The following MTUS1 variants were observed in gnomAD, a reference collection of about 807,000 sequenced individuals.
MTUS1 encodes microtubule-associated tumor suppressor 1.
In MTUS1, 109 loss-of-function variants were observed where a neutral mutation model predicts 120.8. The ratio of observed to expected loss-of-function variants is 0.90; its 90% CI spans 0.77 to 1.06. The LOEUF (loss-of-function observed/expected upper bound fraction) is 1.06. Among genes scored for constraint, MTUS1 ranks in the 50% least tolerant of loss-of-function variants. The pLI is 0.00. For missense variants in MTUS1, 2,210 were observed against 1,486.3 expected, an observed-to-expected ratio of 1.49 and a Z score of -8.01; for synonymous variants, 737 against 550.5, an observed-to-expected ratio of 1.34 and a Z score of -4.74.
intron 3 of MTUS1, among the ~76,000 whole-genome samples, chr8:17,736,358 C>G (rs956549521): frequency 6.6e-6 from 1 of 152,162 alleles, no homozygotes. Flanking sequence ...CCACCACACA[C>G]AGTGCGTGGT....
At chr8:17,690,276 C>T (rs778166781) in intron 6 of MTUS1, among the ~76,000 whole-genome samples, 10 of 151,932 alleles carry the variant, frequency 6.6e-5, no homozygotes, top group Non-Finnish European at 4.4e-5. Flanking sequence ...GTAGAACATA[C>T]GAAAAAATGC....
chr8:17,729,712 G>A (rs375891705), intron 3 of MTUS1, among the ~76,000 whole-genome samples: 1 of 151,964 alleles, frequency 6.6e-6, no homozygotes, highest in Admixed American at 6.6e-5. Context: ...CGCAGGAATT[G>A]AATTTTTAAA....
chr8:17,783,162 G>A (rs1211882730), intron 1 of MTUS1, among the ~76,000 whole-genome samples: 2 of 152,190 alleles, frequency 1.3e-5, no homozygotes, highest in Non-Finnish European at 2.9e-5. Context: ...AGGCAACCTG[G>A]CTTGACTCTG....
chr8:17,688,366 T>C (rs1228245440), intron 6 of MTUS1, among the ~76,000 whole-genome samples: 1 of 152,230 alleles, frequency 6.6e-6, no homozygotes, highest in Non-Finnish European at 1.5e-5. Context: ...TGCTGACTCA[T>C]GTTTCCCTAG....
chr8:17,670,264 C>A (rs1811745593), intron 8 of MTUS1, among the ~76,000 whole-genome samples: 1 of 152,146 alleles, frequency 6.6e-6, no homozygotes, highest in Non-Finnish European at 1.5e-5. Flanking sequence ...CAGCCCCTCA[C>A]TGGGAAGCAT....
chr8:17,665,767 C>A (rs144870979), intron 8 of MTUS1, among the ~76,000 whole-genome samples: 1 of 152,294 alleles, frequency 6.6e-6, no homozygotes, highest in African/African-American at 2.4e-5. Flanking sequence ...TTCACACGTA[C>A]CATGGATGCC....
chr8:17,770,145 G>C (rs2049917874), intron 1 of MTUS1, among the ~76,000 whole-genome samples: 1 of 152,024 alleles, frequency 6.6e-6, no homozygotes, highest in South Asian at 2.1e-4. Flanking sequence ...TTTTGTACTT[G>C]ATATTTTAAC....
intron 11 of MTUS1, 45 bp downstream of exon 11, chr8:17,653,380 A>AT (rs1563568159): frequency 6.5e-7 from 1 of 1,542,422 alleles, no homozygotes. Flanking sequence ...ATCAAAAATG[A>AT]TATTTTTTTT....
At chr8:17,657,347 T>C (rs1411123802) in intron 8 of MTUS1, among the ~76,000 whole-genome samples, 42 of 151,528 alleles carry the variant, frequency 2.8e-4, no homozygotes, top group Non-Finnish European at 5.2e-4. Flanking sequence ...GGCGGGCGGA[T>C]CACGAGGTCA....
At chr8:17,795,286 T>A (rs1328658393) in intron 1 of MTUS1, among the ~76,000 whole-genome samples, 1 of 152,226 alleles carries the variant, frequency 6.6e-6, no homozygotes, top group Non-Finnish European at 1.5e-5. Flanking sequence ...CCCTTTTCAA[T>A]GTCATTTTAG....
At chr8:17,714,968 C>G (rs190733432) in intron 5 of MTUS1, among the ~76,000 whole-genome samples, 1 of 132,274 alleles carries the variant, frequency 7.6e-6, no homozygotes, top group African/African-American at 2.9e-5. Flanking sequence ...TGCAGTGGCG[C>G]GATCTCGGCT....
chr8:17,679,615 C>T (rs1563188700), intron 7 of MTUS1, among the ~76,000 whole-genome samples: 1 of 151,984 alleles, frequency 6.6e-6, no homozygotes, highest in South Asian at 2.1e-4. Context: ...GATTCGTATG[C>T]CTCAGTCTCT....
chr8:17,661,561 G>A (rs78577948), intron 8 of MTUS1, among the ~76,000 whole-genome samples: 1,844 of 152,046 alleles, frequency 0.012, 17 homozygotes, highest in Non-Finnish European at 0.02. Context: ...TGTAATTGTG[G>A]CACATCAGCC....
At chr8:17,771,660 C>T (rs1034507031) in intron 1 of MTUS1, among the ~76,000 whole-genome samples, 1 of 152,180 alleles carries the variant, frequency 6.6e-6, no homozygotes, top group Non-Finnish European at 1.5e-5. Context: ...TGCAAGCAGG[C>T]AGTCTACGCA....
At chr8:17,738,966 C>A (rs1355486776) in intron 3 of MTUS1, among the ~76,000 whole-genome samples, 1 of 151,062 alleles carries the variant, frequency 6.6e-6, no homozygotes, top group Admixed American at 6.6e-5. Context: ...AAGTGAGACC[C>A]CCCCATCTCT....
intron 1 of MTUS1, among the ~76,000 whole-genome samples, chr8:17,788,819 G>A (rs1008557994): frequency 1.3e-4 from 20 of 152,134 alleles, no homozygotes; most frequent in African/African-American, 4.6e-4. Flanking sequence ...AGTAACCTTT[G>A]TCATGAAAAT....
chr8:17,742,114 A>C (rs1473381347), intron 3 of MTUS1, among the ~76,000 whole-genome samples: 1 of 152,004 alleles, frequency 6.6e-6, no homozygotes, highest in Non-Finnish European at 1.5e-5. Flanking sequence ...ACCAAGGGAC[A>C]GGGTTTTGCT....
At chr8:17,648,847 G>A (rs917821849) in intron 13 of MTUS1, among the ~76,000 whole-genome samples, 2 of 152,200 alleles carry the variant, frequency 1.3e-5, no homozygotes, top group Non-Finnish European at 2.9e-5. Flanking sequence ...TGCGGCAGCT[G>A]GACAGTCAAC....
intron 3 of MTUS1, among the ~76,000 whole-genome samples, chr8:17,743,020 G>C (rs536948324): frequency 3.3e-5 from 5 of 151,256 alleles, no homozygotes; most frequent in African/African-American, 7.4e-5. Context: ...ACACAGATCT[G>C]TACGTCCGCC....
Sources: allele counts gnomAD v4.1 joint callset (sites outside exome capture counted in the v4.1 genomes callset), GRCh38; gene constraint gnomAD v4.1.1; transcripts MANE v1.5; gene names NCBI Gene and HGNC (gene_info 2026-07-23, HGNC 2026-07-21).